The following PCCA variants were observed in gnomAD, a reference collection of about 807,000 sequenced individuals.
The protein encoded by PCCA is propionyl-CoA carboxylase subunit alpha.
Under a neutral mutation model 101.3 loss-of-function variants are expected in PCCA, and 74 were observed. The ratio of observed to expected loss-of-function variants is 0.73; its 90% CI spans 0.61 to 0.89. The LOEUF (loss-of-function observed/expected upper bound fraction) is 0.89. Among genes scored for constraint, PCCA ranks in the 40% least tolerant of loss-of-function variants. The pLI is 0.00. For synonymous variants in PCCA, 294 were observed against 313.6 expected (o/e 0.94, Z 0.66); for missense variants, 891 against 907.0 (o/e 0.98, Z 0.23).
chr13:100,272,504 A>G (rs567026216), intron 11 of PCCA, among the ~76,000 whole-genome samples: 4 of 152,124 alleles, frequency 2.6e-5, no homozygotes, highest in Non-Finnish European at 4.4e-5. Context: ...CTTCTTGCAC[A>G]TGGGAACCCC....
intron 7 of PCCA, among the ~76,000 whole-genome samples, chr13:100,209,893 A>C (rs2059105918): frequency 6.6e-6 from 1 of 152,002 alleles, no homozygotes; most frequent in African/African-American, 2.4e-5. Context: ...CATCCTCCCA[A>C]GGTGCTGGGA....
chr13:100,145,391 C>G (rs1392903988), intron 4 of PCCA, among the ~76,000 whole-genome samples: 3 of 152,172 alleles, frequency 2.0e-5, no homozygotes, highest in South Asian at 2.1e-4. Context: ...ACAGCCAAAA[C>G]TATCTACAGA....
chr13:100,460,596 T>C (rs565807626), intron 21 of PCCA, among the ~76,000 whole-genome samples: 1 of 152,340 alleles, frequency 6.6e-6, no homozygotes, highest in East Asian at 1.9e-4. Context: ...TCTCAAATTA[T>C]ACATTTTAAA....
chr13:100,340,842 A>G (rs968339233), intron 18 of PCCA, among the ~76,000 whole-genome samples: 6 of 152,212 alleles, frequency 3.9e-5, no homozygotes, highest in African/African-American at 1.4e-4. Flanking sequence ...TTGCTGGAGC[A>G]ATCCCTTTAA....
intron 4 of PCCA, among the ~76,000 whole-genome samples, chr13:100,153,700 G>C (rs139729219): frequency 6.8e-4 from 103 of 152,252 alleles, no homozygotes; most frequent in Non-Finnish European, 1.3e-3. Context: ...CACGAGGAAG[G>C]CCTTGCTTTG....
chr13:100,150,858 TTG>T (rs1555359626), intron 4 of PCCA: 31 of 1,576,164 alleles, frequency 2.0e-5, no homozygotes, highest in Non-Finnish European at 2.6e-5. Flanking sequence ...TTGCCATAAG[TTG>T]CACCCTTAGG....
At chr13:100,114,841 C>A (rs994056974) in intron 4 of PCCA, among the ~76,000 whole-genome samples, 2 of 152,120 alleles carry the variant, frequency 1.3e-5, no homozygotes, top group Non-Finnish European at 2.9e-5. Context: ...TAAATTAATA[C>A]AACCACTATA....
At chr13:100,181,953 A>G (rs1237021461) in intron 6 of PCCA, among the ~76,000 whole-genome samples, 1 of 134,584 alleles carries the variant, frequency 7.4e-6, no homozygotes, top group African/African-American at 2.8e-5. Flanking sequence ...TTTTGTAGAG[A>G]TGGGGTCTCG....
chr13:100,321,197 G>A (rs184984553), intron 16 of PCCA, among the ~76,000 whole-genome samples: 1 of 152,302 alleles, frequency 6.6e-6, no homozygotes, highest in African/African-American at 2.4e-5. Flanking sequence ...TTTCTGGCAA[G>A]TGATACCTCT....
chr13:100,305,861 A>G (rs1382977995), intron 14 of PCCA: 1 of 426,518 alleles, frequency 2.3e-6, no homozygotes, highest in Non-Finnish European at 4.7e-6. Flanking sequence ...ATTTTTGTTT[A>G]TAATTAAGAT....
chr13:100,351,847 C>T (rs2073307656), intron 18 of PCCA, among the ~76,000 whole-genome samples: 2 of 152,016 alleles, frequency 1.3e-5, no homozygotes, highest in Non-Finnish European at 1.5e-5. Flanking sequence ...GCCTTATCCC[C>T]AATAATATGT....
chr13:100,298,222 G>T (rs1386213788), intron 12 of PCCA, among the ~76,000 whole-genome samples: 1 of 152,062 alleles, frequency 6.6e-6, no homozygotes, highest in Non-Finnish European at 1.5e-5. Flanking sequence ...TGTTTTTGAG[G>T]CATTGTTTCC....
intron 19 of PCCA, among the ~76,000 whole-genome samples, chr13:100,390,475 C>T (rs151092285): frequency 4.6e-5 from 7 of 151,760 alleles, no homozygotes; most frequent in African/African-American, 1.7e-4. Flanking sequence ...CAGTTGAACA[C>T]GGGTTGAATT....
intron 5 of PCCA, among the ~76,000 whole-genome samples, chr13:100,156,943 C>T (rs956669189): frequency 3.3e-5 from 5 of 152,140 alleles, no homozygotes; most frequent in African/African-American, 1.2e-4. Flanking sequence ...AAGTTAGCCT[C>T]AGGAAAAGGA....
chr13:100,340,254 T>C lies in PCCA; in HGVS notation c.1638T>C (p.Asn546=). 6.5e-7 allele frequency: 1 copy of C among 1,527,506 alleles called. No individual in the cohort carries two copies. The allele number at this position is 1,527,506 out of a possible 1,614,324, so 94.6% of individuals were successfully genotyped here. The change falls in exon 18 of 24, where the codon AAT becomes AAC. Residue 546 remains asparagine, a synonymous_variant. Coordinates refer to ENST00000376285, the MANE Select transcript of PCCA (RefSeq NM_000282.4). ...TAAGAGCACAACATTTTCAAGAAAA[T>C]TCAAGGTATGGTAGATCATTTAAAA... is the stretch of plus-strand genomic sequence containing the variant. ...FQLRAQHFQE[N]SRMPVIKPDI...
chr13:100,431,029 G>A (rs2079514581), intron 20 of PCCA, among the ~76,000 whole-genome samples: 1 of 152,154 alleles, frequency 6.6e-6, no homozygotes, highest in Non-Finnish European at 1.5e-5. Context: ...TTCCCATCTG[G>A]TAGTAAATGG....
rs116951340 is a variant in PCCA, at chr13:100,382,976, G to T, written c.1746+14402G>T. Among the ~76,000 whole-genome samples the T allele has an allele frequency of 5.1e-4, 77 of 152,140 alleles. 1 individual carries two copies. In the East Asian group the frequency reaches 0.015, roughly 29 times the overall value. On this transcript the variant is annotated intron_variant, in intron 19 of 23. Transcript: ENST00000376285. ...GGGGAAGATGAAAGAAGTTCCTCTT[G>T]GGGGAGATGACTGATGAGTCACAGC... is the stretch of plus-strand genomic sequence containing the variant.
intron 21 of PCCA, among the ~76,000 whole-genome samples, chr13:100,460,943 G>C (rs2082125740): frequency 6.6e-6 from 1 of 152,180 alleles, no homozygotes; most frequent in Non-Finnish European, 1.5e-5. Flanking sequence ...TGTGCTGATA[G>C]ATTTATCAGT....
At chr13:100,506,961 ACTTT>A (rs1041072436) in intron 21 of PCCA, among the ~76,000 whole-genome samples, 3 of 152,352 alleles carry the variant, frequency 2.0e-5, no homozygotes, top group African/African-American at 7.2e-5. Flanking sequence ...TTAAAAAGGT[ACTTT>A]CTTACCGGTT....
Sources: allele counts gnomAD v4.1 joint callset (sites outside exome capture counted in the v4.1 genomes callset), GRCh38; gene constraint gnomAD v4.1.1; transcripts MANE v1.5; gene names NCBI Gene and HGNC (gene_info 2026-07-23, HGNC 2026-07-21).